The following GUCY2F variants were observed in gnomAD, a reference collection of about 807,000 sequenced individuals.
GUCY2F encodes the protein guanylate cyclase 2F, retinal.
Under a neutral mutation model 73.1 loss-of-function variants are expected in GUCY2F, and 61 were observed. The observed-to-expected ratio is 0.83, with a 90% CI of 0.68 to 1.03. The LOEUF (loss-of-function observed/expected upper bound fraction) is 1.03, where lower values mean the gene tolerates loss of function less well. GUCY2F is among the 50% of genes least tolerant of loss of function. The pLI is 0.00. For synonymous variants in GUCY2F, 331 were observed against 307.8 expected (o/e 1.08, Z -0.79); for missense variants, 912 against 854.3 (o/e 1.07, Z -0.84).
At position 109,453,850 on chromosome X, in the gene GUCY2F, A is replaced by G. The variant is rs1932195344; in HGVS notation, c.1042T>C (p.Leu348=). Reference sequence around the variant, plus strand: ...ATTGAATTGTAGATGGTTCCAAACAACGGTGAAACCTATTTTTAAAAATTA... The same window carrying G: ...ATTGAATTGTAGATGGTTCCAAACAGCGGTGAAACCTATTTTTAAAAATTA... ...EKLEFDQVSP[L]FGTIYNSIYF... Residue 348 remains leucine (L), a synonymous_variant, in exon 4 of 20, where the codon TTG becomes CTG. Coordinates refer to ENST00000218006, the MANE Select transcript of GUCY2F (RefSeq NM_001522.3). 8.8e-7 allele frequency: 1 copy of G among 1,131,050 alleles called. No homozygotes were observed. The highest frequency in any genetic ancestry group is 1.8e-5 in the African/African-American group (1 of 55,579). 93.2% of individuals were successfully genotyped at this position (1,131,050 alleles called of 1,213,427 possible).
At chrX:109,436,800 G>C (rs1236184981) in intron 7 of GUCY2F, among the ~76,000 whole-genome samples, 1 of 108,692 alleles carries the variant, frequency 9.2e-6, no homozygotes, top group Non-Finnish European at 1.9e-5. Flanking sequence ...TGGGGGGAGT[G>C]GGGAGGGATA....
chrX:109,423,446 C>T (rs763258604), intron 8 of GUCY2F, among the ~76,000 whole-genome samples: 2 of 110,776 alleles, frequency 1.8e-5, no homozygotes, highest in African/African-American at 3.3e-5. Context: ...ATAACCACCA[C>T]CAAATTAGGG....
chrX:109,428,559 A>G (rs1317892747), intron 8 of GUCY2F, among the ~76,000 whole-genome samples: 1 of 112,034 alleles, frequency 8.9e-6, no homozygotes, highest in African/African-American at 3.2e-5. Flanking sequence ...AGCAAACTGA[A>G]TGTGTGAGAC....
At chrX:109,463,962 C>T (rs1932416340) in intron 3 of GUCY2F, among the ~76,000 whole-genome samples, 1 of 112,161 alleles carries the variant, frequency 8.9e-6, no homozygotes. Context: ...CCCTGAAGCC[C>T]TATCTTCAAA....
chrX:109,397,377 T>C (rs910401985), intron 11 of GUCY2F, among the ~76,000 whole-genome samples: 1 of 111,711 alleles, frequency 9.0e-6, no homozygotes. Flanking sequence ...AGTAGAGGAA[T>C]AATGTGGAAC....
intron 1 of GUCY2F, among the ~76,000 whole-genome samples, chrX:109,476,731 TA>T (rs944499223): frequency 3.3e-5 from 3 of 90,033 alleles, no homozygotes; most frequent in African/African-American, 4.9e-5. Flanking sequence ...TAAAGATAGA[TA>T]GATAGATAGA....
chrX:109,410,025 C>T (rs1421848542), intron 8 of GUCY2F, among the ~76,000 whole-genome samples: 3 of 111,439 alleles, frequency 2.7e-5, no homozygotes, highest in Admixed American at 9.5e-5. Context: ...TGCCCCCTGC[C>T]ACAGGTCTCC....
chrX:109,417,771 C>G (rs1306023284), intron 8 of GUCY2F, among the ~76,000 whole-genome samples: 1 of 110,632 alleles, frequency 9.0e-6, no homozygotes, highest in African/African-American at 3.3e-5. Context: ...TCCAAAGACA[C>G]AAATGCATGG....
Position 109,453,795 on chromosome X carries a change from G to A in GUCY2F, c.1097C>T (p.Ala366Val). The A allele has an allele frequency of 8.3e-7, 1 of 1,205,198 alleles. No individual in the cohort carries two copies. Among genetic ancestry groups the A allele is most frequent in the Non-Finnish European group, 1.1e-6 (1 of 890,088 alleles). The change falls in exon 4 of 20, where the codon GCT (alanine) becomes GTT (valine). Residue 366 changes from alanine (A) to valine (V), a missense_variant. Physicochemically the swap from Ala to Val is moderately conservative, Grantham distance 64. Transcript: ENST00000218006. Reference protein sequence around the residue: ...IYFIAQAMNNAMKENGQAGAA... With the variant: ...IYFIAQAMNNVMKENGQAGAA... ...ACCAGCCTGTCCATTTTCTTTCATA[G>A]CATTATTCATGGCTTGTGCGATAAA...
intron 1 of GUCY2F, among the ~76,000 whole-genome samples, chrX:109,480,913 GA>G (rs1205336943): frequency 1.9e-5 from 2 of 106,714 alleles, no homozygotes; most frequent in Non-Finnish European, 3.9e-5. Context: ...AAGAAAAAAA[GA>G]AGGGAAGGAA....
chrX:109,382,561 G>C (rs1280745727), intron 16 of GUCY2F, among the ~76,000 whole-genome samples: 3 of 112,464 alleles, frequency 2.7e-5, no homozygotes, highest in African/African-American at 9.7e-5. Context: ...CTTGACTTCA[G>C]CAGCTTCTTT....
At chrX:109,466,634 A>G (rs768119670) in intron 2 of GUCY2F, among the ~76,000 whole-genome samples, 2 of 111,859 alleles carry the variant, frequency 1.8e-5, no homozygotes, top group South Asian at 3.8e-4. Context: ...GTAGATTCCA[A>G]TGCATTTTAC....
At chrX:109,414,553 G>A (rs763768377) in intron 8 of GUCY2F, among the ~76,000 whole-genome samples, 16 of 111,671 alleles carry the variant, frequency 1.4e-4, no homozygotes, top group East Asian at 2.8e-4. Context: ...GAGACAGACC[G>A]GGGACAAATG....
At chrX:109,395,234 C>A (rs1930676244) in intron 12 of GUCY2F, 107 bp downstream of exon 12, 1 of 657,660 alleles carries the variant, frequency 1.5e-6, no homozygotes, top group African/African-American at 2.2e-5. Flanking sequence ...TGCCCTTACC[C>A]CTTGCAAGAG....
chrX:109,475,850 A>G lies in GUCY2F; in HGVS notation c.87T>C (p.Ser29=). The G allele has an allele frequency of 8.3e-7, 1 of 1,211,144 alleles. No homozygotes were observed. The highest frequency in any genetic ancestry group is 1.1e-6 in the Non-Finnish European group (1 of 895,133). ...RKLLGHHGLA[S]AKFLWCLCLL... is the part of the protein sequence containing the mutation. Reference sequence around the variant, plus strand: ...GGCACAAGCACCACAGGAACTTGGCAGATGCAAGGCCATGGTGTCCCAGCA... The same window carrying G: ...GGCACAAGCACCACAGGAACTTGGCGGATGCAAGGCCATGGTGTCCCAGCA... The change falls in exon 2 of 20, where the codon TCT becomes TCC. Residue 29 remains serine (S), a synonymous_variant. Transcript: ENST00000218006.
At chrX:109,419,940 G>A (rs1247238479) in intron 8 of GUCY2F, among the ~76,000 whole-genome samples, 5 of 109,748 alleles carry the variant, frequency 4.6e-5, no homozygotes, top group African/African-American at 9.9e-5. Flanking sequence ...GATAACCAAC[G>A]GAGTGTGATA....
chrX:109,395,464 A>G lies in GUCY2F; in HGVS notation c.2301T>C (p.Pro767=), dbSNP rs1446737792. ...GAACTACTGGTCTGTACACAGGAGG[A>G]GGCTTCTTAAGTCTGTTTATGATTT... ...AQEIINRLKK[P]PPVYRPVVPP... is the part of the protein sequence containing the mutation. Residue 767 remains proline (P), a synonymous_variant, in exon 12 of 20, where the codon CCT becomes CCC. Coordinates refer to ENST00000218006, the MANE Select transcript of GUCY2F (RefSeq NM_001522.3). 8.3e-7 allele frequency: 1 copy of G among 1,200,288 alleles called. No homozygotes were observed. Among genetic ancestry groups the G allele is most frequent in the South Asian group, 1.8e-5 (1 of 56,224 alleles).
chrX:109,424,372 T>C lies in GUCY2F; in HGVS notation c.1791+5935A>G, dbSNP rs1385268877. 3.6e-5 allele frequency among the ~76,000 whole-genome samples: 4 copies of C among 111,575 alleles called. No individual in the cohort carries two copies. The East Asian group carries it at 8.4e-4, about 23-fold the overall frequency. Reference sequence around the variant, plus strand: ...AGAATGGATTTGAGAGTGGATGTGATTAAAATACTTAAAAGACAATTGCAA... The same window carrying C: ...AGAATGGATTTGAGAGTGGATGTGACTAAAATACTTAAAAGACAATTGCAA... On this transcript the variant is annotated intron_variant, in intron 8 of 19. Transcript: ENST00000218006.
intron 7 of GUCY2F, among the ~76,000 whole-genome samples, chrX:109,436,606 TA>T (rs1254751236): frequency 2.7e-5 from 3 of 111,650 alleles, no homozygotes; most frequent in African/African-American, 9.8e-5. Context: ...TATGCAGCCA[TA>T]AAAAAGGATG....
Sources: allele counts gnomAD v4.1 joint callset (sites outside exome capture counted in the v4.1 genomes callset), GRCh38; gene constraint gnomAD v4.1.1; transcripts MANE v1.5; gene names NCBI Gene and HGNC (gene_info 2026-07-23, HGNC 2026-07-21).